PIGK: variants seen among roughly 807,000 people sequenced by gnomAD.
PIGK encodes phosphatidylinositol glycan anchor biosynthesis class K, also known as GPI-anchor transamidase.
Under a neutral mutation model 50.6 loss-of-function variants are expected in PIGK, and 42 were observed. The observed-to-expected ratio is 0.83, with a 90% CI of 0.65 to 1.07. The LOEUF is 1.07. Ranked by LOEUF, PIGK falls within the 50% of genes least tolerant of loss-of-function variation. PIGK has a pLI of 0.00. For synonymous variants in PIGK, 151 were observed against 156.0 expected, an observed-to-expected ratio of 0.97 and a Z score of 0.24; for missense variants, 448 against 488.7, an observed-to-expected ratio of 0.92 and a Z score of 0.78.
At chr1:77,202,676 C>T (rs1557430574) in intron 3 of PIGK, among the ~76,000 whole-genome samples, 1 of 151,980 alleles carries the variant, frequency 6.6e-6, no homozygotes, top group East Asian at 1.9e-4. Flanking sequence ...ATTAATCTCA[C>T]AAAAGACTGA....
At chr1:77,130,830 T>C (rs1184801707) in intron 9 of PIGK, among the ~76,000 whole-genome samples, 1 of 152,158 alleles carries the variant, frequency 6.6e-6, no homozygotes, top group Non-Finnish European at 1.5e-5. Context: ...CTTCCACTTA[T>C]GAGTTGTGTG....
At chr1:77,123,279 A>T (rs1654145021) in intron 9 of PIGK, among the ~76,000 whole-genome samples, 1 of 152,192 alleles carries the variant, frequency 6.6e-6, no homozygotes, top group Non-Finnish European at 1.5e-5. Context: ...TCTGTGAATT[A>T]CACATCAGCT....
intron 9 of PIGK, among the ~76,000 whole-genome samples, chr1:77,122,595 T>C (rs1421272923): frequency 1.3e-5 from 2 of 152,230 alleles, no homozygotes; most frequent in Non-Finnish European, 2.9e-5. Context: ...CTTAATGTTC[T>C]CAGATCCTGT....
intron 9 of PIGK, among the ~76,000 whole-genome samples, chr1:77,130,617 A>G (rs1557801241): frequency 6.6e-6 from 1 of 152,216 alleles, no homozygotes; most frequent in Admixed American, 6.5e-5. Flanking sequence ...ACTTTAAAAT[A>G]GAAAATGCTG....
intron 3 of PIGK, among the ~76,000 whole-genome samples, chr1:77,187,454 C>T (rs899561231): frequency 6.6e-6 from 1 of 152,128 alleles, no homozygotes; most frequent in African/African-American, 2.4e-5. Context: ...AACACTGACA[C>T]CAGGAGACAC....
chr1:77,104,596 GATA>G (rs1262964181), intron 10 of PIGK, among the ~76,000 whole-genome samples: 1 of 152,128 alleles, frequency 6.6e-6, no homozygotes, highest in African/African-American at 2.4e-5. Context: ...TATCAAGCAG[GATA>G]ATATTTGCCT....
intron 5 of PIGK, among the ~76,000 whole-genome samples, 197 bp from the exon 6 acceptor site, chr1:77,164,139 G>C (rs186359795): frequency 1.3e-5 from 2 of 152,228 alleles, no homozygotes; most frequent in Admixed American, 1.3e-4. Flanking sequence ...TAAAATAGCA[G>C]ATATAATATC....
rs1260585311 is a variant in PIGK, at chr1:77,206,679, G to A, written c.200C>T (p.Ser67Phe). Residue 67 changes from serine (S) to phenylalanine (F), a missense_variant, in exon 3 of 11, where the codon TCT (serine) becomes TTT (phenylalanine). By Grantham distance (155) the Ser-to-Phe change is radical (BLOSUM62 -2). Coordinates refer to ENST00000370812, the MANE Select transcript of PIGK (RefSeq NM_005482.3). ...TAGCCTCTTGACACTTCTATAAACAGAAAGGGTATTTGCAACATGTCGATA... is the reference window on the plus strand; with the variant it reads ...TAGCCTCTTGACACTTCTATAAACAAAAAGGGTATTTGCAACATGTCGATA... ...FNYRHVANTL[S>F]VYRSVKRLGI... The A allele has an allele frequency of 6.2e-7, 1 of 1,611,928 alleles. No homozygotes were observed. The highest frequency in any genetic ancestry group is 2.2e-5 in the East Asian group (1 of 44,844).
chr1:77,182,292 CA>C (rs1344542333), intron 3 of PIGK, among the ~76,000 whole-genome samples: 2 of 152,152 alleles, frequency 1.3e-5, no homozygotes, highest in Non-Finnish European at 2.9e-5. Context: ...AAGCATCCAG[CA>C]GGGGAGAAAG....
intron 1 of PIGK, among the ~76,000 whole-genome samples, chr1:77,211,810 T>C (rs1656427923): frequency 6.6e-6 from 1 of 151,478 alleles, no homozygotes; most frequent in Admixed American, 6.6e-5. Context: ...TCTTTCTTTT[T>C]TTTTTTTTTT....
rs558062193 is a variant in PIGK, at chr1:77,106,110, G to A, written c.1072-13620C>T. ...ATGAATAATGCTTGTTTCCCGTTACGCAAATATTCCTAAATGGGCAAACAG... is the reference window on the plus strand; with the variant it reads ...ATGAATAATGCTTGTTTCCCGTTACACAAATATTCCTAAATGGGCAAACAG... On this transcript the variant is annotated intron_variant, in intron 10 of 10. Transcript: ENST00000370812. Among the ~76,000 whole-genome samples, 111 of 152,228 alleles carry A rather than the reference G, an allele frequency of 7.3e-4. 1 individual carries two copies. Among genetic ancestry groups the A allele is most frequent in the Admixed American group, 2.7e-3 (41 of 15,296 alleles).
At chr1:77,169,450 C>T in intron 3 of PIGK, 55 bp from the exon 4 acceptor site, 1 of 1,410,574 alleles carries the variant, frequency 7.1e-7, no homozygotes, top group Non-Finnish European at 9.7e-7. Context: ...AAAAGTTAAA[C>T]ACAAATTTAT....
chr1:77,219,268 C>T (rs1275822890), intron 1 of PIGK, 42 bp downstream of exon 1: 13 of 1,537,192 alleles, frequency 8.5e-6, no homozygotes, highest in Admixed American at 1.7e-5. Flanking sequence ...GGAGGGCTCA[C>T]AGCCGGCCTC....
chr1:77,104,910 A>G (rs1263536408), intron 10 of PIGK, among the ~76,000 whole-genome samples: 5 of 152,140 alleles, frequency 3.3e-5, no homozygotes. Flanking sequence ...TGTAGACAGC[A>G]GTGTGTTAGC....
intron 10 of PIGK, among the ~76,000 whole-genome samples, chr1:77,103,930 T>C (rs1042991766): frequency 1.3e-5 from 2 of 151,790 alleles, no homozygotes; most frequent in Admixed American, 6.6e-5. Context: ...GAATTGTTCA[T>C]GTACACACTT....
chr1:77,141,827 A>T (rs1416638354), intron 9 of PIGK, among the ~76,000 whole-genome samples: 2 of 152,112 alleles, frequency 1.3e-5, no homozygotes, highest in Non-Finnish European at 2.9e-5. Flanking sequence ...AAAAATTTTT[A>T]TTATTAAATT....
intron 9 of PIGK, among the ~76,000 whole-genome samples, chr1:77,127,985 C>T (rs898166621): frequency 1.3e-5 from 2 of 152,122 alleles, no homozygotes; most frequent in African/African-American, 4.8e-5. Context: ...TTTAAAGACA[C>T]TCCGAGTGAA....
intron 8 of PIGK, among the ~76,000 whole-genome samples, chr1:77,158,827 T>A (rs1159265939): frequency 6.6e-6 from 1 of 152,142 alleles, no homozygotes; most frequent in Non-Finnish European, 1.5e-5. Context: ...GGTTTGGAAT[T>A]GGACCTTATA....
chr1:77,154,457 C>T lies in PIGK; in HGVS notation c.978G>A (p.Met326Ile), dbSNP rs772058300. The T allele has an allele frequency of 2.5e-6, 4 of 1,606,036 alleles. No individual in the cohort carries two copies. In the Middle Eastern group the frequency reaches 5.9e-4, roughly 237 times the overall value. ...TGGTTTAAGATGAATACCTGCTTTC[C>T]ATGATTTCTGAATCCTGTTGCAATT... The part of the protein sequence containing the change: ...TIKLQQDSEI[M>I]ESSYKEDQMD... Residue 326 changes from methionine (M) to isoleucine (I), a missense_variant, in exon 9 of 11, where the codon ATG (methionine) becomes ATA (isoleucine). Met to Ile is a conservative substitution (Grantham distance 10). Transcript: ENST00000370812.
Sources: gnomAD v4.1 joint callset for allele counts (sites outside exome capture counted in the v4.1 genomes callset) on GRCh38, gnomAD v4.1.1 for gene constraint, MANE v1.5 for transcripts, NCBI Gene and HGNC (gene_info 2026-07-23, HGNC 2026-07-21) for gene names.